The following AARS2 variants were observed in gnomAD, a reference collection of about 807,000 sequenced individuals.
AARS2 encodes alanine--tRNA ligase, mitochondrial.
A neutral mutation model predicts 119.7 loss-of-function variants in AARS2; 78 were observed. That is an observed-to-expected ratio of 0.65 (90% CI 0.54 to 0.79). The LOEUF is 0.79. Ranked by LOEUF, AARS2 falls within the 30% of genes least tolerant of loss-of-function variation. AARS2 has a pLI of 0.00. For synonymous variants in AARS2, 502 were observed against 526.3 expected, an observed-to-expected ratio of 0.95 and a Z score of 0.63; for missense variants, 1,157 against 1,291.3, an observed-to-expected ratio of 0.90 and a Z score of 1.59.
Position 44,307,402 on chromosome 6 carries a change from G to A in AARS2, c.895-8C>T, listed in dbSNP as rs768757539. 22 of 1,596,856 alleles carry A rather than the reference G, an allele frequency of 1.4e-5. No homozygotes were observed. Among genetic ancestry groups the A allele is most frequent in the Non-Finnish European group, 1.9e-5 (22 of 1,173,386 alleles). On this transcript the variant is annotated splice_region_variant and splice_polypyrimidine_tract_variant and intron_variant, in intron 5 of 21. Transcript: ENST00000244571. The surrounding 1 kb of genome is among the most constrained non-coding windows in gnomAD (Gnocchi z 4.4). ...AGGGGGTGCCCTGCAGCCCTGGGAAGCAGAAGAGTCAGCCAGTGGCCCTGC... is the reference window on the plus strand; with the variant it reads ...AGGGGGTGCCCTGCAGCCCTGGGAAACAGAAGAGTCAGCCAGTGGCCCTGC...
chr6:44,307,457 C>A lies in AARS2; in HGVS notation c.895-63G>T. On this transcript the variant is annotated intron_variant, in intron 5 of 21. Coordinates refer to ENST00000244571, the MANE Select transcript of AARS2 (RefSeq NM_020745.4). This position sits in a 1 kb window ranked among gnomAD's most constrained non-coding sequence, Gnocchi z 4.4. Reference sequence around the variant, plus strand: ...CCTGGCCCAGGTGGGTGCTCTTTATCGCCTCTAGAGCATCTGCCCTCAGCC... The same window carrying A: ...CCTGGCCCAGGTGGGTGCTCTTTATAGCCTCTAGAGCATCTGCCCTCAGCC... The A allele has an allele frequency of 6.5e-7, 1 of 1,544,096 alleles. No homozygotes were observed. The highest frequency in any genetic ancestry group is 1.2e-5 in the South Asian group (1 of 84,354).
At position 44,305,639 on chromosome 6, in the gene AARS2, G is replaced by GCC. The variant is rs1561940176; in HGVS notation, c.1434+12_1434+13dup. 2 of 1,613,688 alleles carry GCC rather than the reference G, an allele frequency of 1.2e-6. No individual in the cohort carries two copies. Among genetic ancestry groups the GCC allele is most frequent in the Admixed American group, 3.3e-5 (2 of 60,014 alleles). On this transcript the variant is annotated intron_variant, in intron 10 of 21. Coordinates refer to ENST00000244571, the MANE Select transcript of AARS2 (RefSeq NM_020745.4). The surrounding 1 kb of genome is among the most constrained non-coding windows in gnomAD (Gnocchi z 4.6). ...GTCCTAACAGAACCCAGCATGGGGT[G>GCC]CCACAGCTTGTACCTGGGCCTCCTC...
At chr6:44,310,526 G>A in intron 4 of AARS2, 83 bp from the exon 5 acceptor site, 3 of 1,572,956 alleles carry the variant, frequency 1.9e-6, no homozygotes, top group Admixed American at 1.7e-5. Flanking sequence ...AGAGAAATGG[G>A]GGGGGGCCCA....
At chr6:44,303,505 G>A in intron 14 of AARS2, 82 bp from the exon 15 acceptor site, 2 of 1,599,950 alleles carry the variant, frequency 1.3e-6, no homozygotes, top group Non-Finnish European at 1.7e-6. Context: ...CACGGTCAAT[G>A]TTCACTGAGC....
rs1194101225 is a variant in AARS2 at position 44,299,087 on chromosome 6, G to T, written c.*1460C>A. ...CTGGCCACCTCACGGCCTCTGCATT[G>T]GCTGTTCCCTCAGGCTGGAATGCTT... On this transcript the variant is annotated 3_prime_UTR_variant, in exon 22 of 22. Transcript: ENST00000244571. Among the ~76,000 whole-genome samples the T allele has an allele frequency of 1.3e-5, 2 of 152,022 alleles. No homozygotes were observed. The highest frequency in any genetic ancestry group is 1.3e-4 in the Admixed American group (2 of 15,254).
chr6:44,306,858 G>A (rs1785900048), intron 7 of AARS2, 65 bp downstream of exon 7: 2 of 1,475,084 alleles, frequency 1.4e-6, no homozygotes, highest in African/African-American at 1.4e-5. Context: ...CACTGTCTAG[G>A]CTCAGTGGTA....
chr6:44,310,470 G>A lies in AARS2; in HGVS notation c.750-27C>T, dbSNP rs374787244. ...TGGCCAGGGAAGGTGTGCAAGGTGA[G>A]GCCCCACCCAGGATTACAGGTGTGA... On this transcript the variant is annotated intron_variant, in intron 4 of 21. Coordinates refer to ENST00000244571, the MANE Select transcript of AARS2 (RefSeq NM_020745.4). The A allele has an allele frequency of 1.9e-5, 30 of 1,611,728 alleles. No homozygotes were observed. The African/African-American group carries it at 4.0e-4, about 21-fold the overall frequency.
Position 44,311,160 on chromosome 6 carries a change from C to T in AARS2, c.583G>A (p.Val195Met), listed in dbSNP as rs1257232166. 6.8e-6 allele frequency: 11 copies of T among 1,613,964 alleles called. No individual in the cohort carries two copies. Among genetic ancestry groups the T allele is most frequent in the Middle Eastern group, 3.3e-4 (2 of 6,080 alleles). The change falls in exon 4 of 22, where the codon GTG becomes ATG. Residue 195 changes from valine (V) to methionine (M), a missense_variant and splice_region_variant. Physicochemically the swap from Val to Met is conservative, Grantham distance 21. Coordinates refer to ENST00000244571, the MANE Select transcript of AARS2 (RefSeq NM_020745.4). The part of the protein sequence containing the change: ...ETRDIWLSLG[V>M]PASRVLSFGP... ...AAGGAAAGCACACGGCTAGCAGGCA[C>T]CCTGGGGAGAAAAGCAGGTGAGTGG...
At chr6:44,310,062 C>T (rs932550041) in intron 5 of AARS2, among the ~76,000 whole-genome samples, 1 of 152,130 alleles carries the variant, frequency 6.6e-6, no homozygotes, top group Non-Finnish European at 1.5e-5. Context: ...AAGGATTTAA[C>T]ATAAAGTAAG....
chr6:44,305,697 G>C lies in AARS2; in HGVS notation c.1390C>G (p.Leu464Val). ...ELMLEEKGVQLDSAGLERLAQ... is the reference protein window; with the variant it reads ...ELMLEEKGVQVDSAGLERLAQ... The stretch of plus-strand genomic sequence containing the variant: ...AACCGCTCCAGTCCAGCGGAGTCTA[G>C]CTGGACCCCTTTCTCCTCCAGCATC... The change falls in exon 10 of 22, where the codon CTA becomes GTA. Residue 464 changes from leucine to valine, a missense_variant. Transcript: ENST00000244571. This position sits in a 1 kb window ranked among gnomAD's most constrained non-coding sequence, Gnocchi z 4.6. 6.2e-7 allele frequency: 1 copy of C among 1,614,146 alleles called. No individual in the cohort carries two copies. The highest frequency in any genetic ancestry group is 8.5e-7 in the Non-Finnish European group (1 of 1,180,026).
intron 4 of AARS2, 70 bp downstream of exon 4, chr6:44,310,924 C>G (rs1319399968): frequency 6.3e-7 from 1 of 1,598,060 alleles, no homozygotes; most frequent in Non-Finnish European, 8.6e-7. Context: ...TGAAACAGAT[C>G]AAAGTCTTCT....
intron 5 of AARS2, among the ~76,000 whole-genome samples, chr6:44,308,680 A>G (rs1348090171): frequency 1.3e-4 from 19 of 151,192 alleles, no homozygotes; most frequent in African/African-American, 2.4e-5. Context: ...GCTTACTGCA[A>G]CCTCCACCTC....
In AARS2 at chr6:44,305,799, AAGAC is replaced by A. The variant is rs775944874; in HGVS notation, c.1301-17_1301-14del. On this transcript the variant is annotated splice_polypyrimidine_tract_variant and intron_variant, in intron 9 of 21. Transcript: ENST00000244571. The surrounding 1 kb of genome is among the most constrained non-coding windows in gnomAD (Gnocchi z 4.6). ...CAGGCCACTTCAGCTTTGAGAAAGA[AAGAC>A]AAAGAATGTTGAGGAGGGGAGGGAT... 1.9e-6 allele frequency: 3 copies of A among 1,614,030 alleles called. No individual in the cohort carries two copies. The highest frequency in any genetic ancestry group is 2.5e-6 in the Non-Finnish European group (3 of 1,179,888).
chr6:44,303,277 C>T lies in AARS2; in HGVS notation c.2145+9G>A. On this transcript the variant is annotated intron_variant, in intron 15 of 21. Coordinates refer to ENST00000244571, the MANE Select transcript of AARS2 (RefSeq NM_020745.4). ...CCCGATCTCCAGCAAAAGGGCTTCCCCAACTCACCTCATCCAGAGAGCGCA... is the reference window on the plus strand; with the variant it reads ...CCCGATCTCCAGCAAAAGGGCTTCCTCAACTCACCTCATCCAGAGAGCGCA... 2 of 1,614,120 alleles carry T rather than the reference C, an allele frequency of 1.2e-6. No individual in the cohort carries two copies. Among genetic ancestry groups the T allele is most frequent in the Non-Finnish European group, 1.7e-6 (2 of 1,180,010 alleles).
chr6:44,304,876 T>C, intron 11 of AARS2, 59 bp from the exon 12 acceptor site: 4 of 1,612,038 alleles, frequency 2.5e-6, no homozygotes, highest in South Asian at 1.1e-5. Flanking sequence ...TGAAGGTGGG[T>C]CTGTGCCTGG....
chr6:44,305,893 C>A lies in AARS2; in HGVS notation c.1301-107G>T. 7 of 1,384,984 alleles carry A rather than the reference C, an allele frequency of 5.1e-6. No homozygotes were observed. Among genetic ancestry groups the A allele is most frequent in the Non-Finnish European group, 7.1e-6 (7 of 981,516 alleles). 85.8% of individuals were successfully genotyped at this position (1,384,984 alleles called of 1,614,324 possible). On this transcript the variant is annotated intron_variant, in intron 9 of 21. Transcript: ENST00000244571. The surrounding 1 kb of genome is among the most constrained non-coding windows in gnomAD (Gnocchi z 4.6). ...CTAACCACGCAGAAGCCACCAGATG[C>A]CAAACACAAATACCCGCTCCATACT...
chr6:44,308,885 A>T (rs1786102646), intron 5 of AARS2, among the ~76,000 whole-genome samples: 3 of 152,104 alleles, frequency 2.0e-5, no homozygotes, highest in Admixed American at 2.0e-4. Context: ...TACAGGAGTG[A>T]GCCACCGTGC....
Position 44,312,256 on chromosome 6 carries a change from G to A in AARS2, c.251C>T (p.Pro84Leu), listed in dbSNP as rs1189053679. 2 of 1,613,774 alleles carry A rather than the reference G, an allele frequency of 1.2e-6. No individual in the cohort carries two copies. The highest frequency in any genetic ancestry group is 1.3e-5 in the African/African-American group (1 of 75,032). The part of the protein sequence containing the change: ...FVNAGMNQFK[P>L]IFLGTVDPRS... ...TGGATCCACGGTGCCCAGAAAGATT[G>A]GCTTGAACTGGAAGCACATAGAGTG... The change falls in exon 2 of 22, where the codon CCA becomes CTA. Residue 84 changes from proline (P) to leucine (L), a missense_variant. Physicochemically the swap from Pro to Leu is moderately conservative, Grantham distance 98 (BLOSUM62 -3). Transcript: ENST00000244571.
Position 44,310,997 on chromosome 6 carries a change from T to G in AARS2, c.746A>C (p.Asn249Thr). ...ELWNLVFMQH[N>T]READGSLQPL... ...TCCTGCTTCAGCACCCTATTACCTG[T>G]TGTGTTGCATGAAGACCAGGTTCCA... is the stretch of plus-strand genomic sequence containing the variant. Residue 249 changes from asparagine (N) to threonine (T), a missense_variant, in exon 4 of 22, where the codon AAC becomes ACC. Asn to Thr is a moderately conservative substitution (Grantham distance 65). Coordinates refer to ENST00000244571, the MANE Select transcript of AARS2 (RefSeq NM_020745.4). 6.2e-7 allele frequency: 1 copy of G among 1,613,874 alleles called. No individual in the cohort carries two copies. Among genetic ancestry groups the G allele is most frequent in the Non-Finnish European group, 8.5e-7 (1 of 1,180,018 alleles).
Sources: allele counts gnomAD v4.1 joint callset (sites outside exome capture counted in the v4.1 genomes callset), GRCh38; gene constraint gnomAD v4.1.1; non-coding constraint Gnocchi (gnomAD v3.1); transcripts MANE v1.5; gene names NCBI Gene and HGNC (gene_info 2026-07-23, HGNC 2026-07-21).